KIF11: variants seen among roughly 807,000 people sequenced by gnomAD.
KIF11 encodes kinesin family member 11, also known as kinesin-like protein KIF11.
A neutral mutation model predicts 121.0 loss-of-function variants in KIF11; 9 were observed. The ratio of observed to expected loss-of-function variants is 0.07; its 90% CI spans 0.04 to 0.13. The LOEUF (loss-of-function observed/expected upper bound fraction) is 0.13. KIF11 is among the 10% of genes least tolerant of loss of function. KIF11 has a pLI of 1.00. For synonymous variants in KIF11, 408 were observed against 421.0 expected, an observed-to-expected ratio of 0.97 and a Z score of 0.38; for missense variants, 846 against 1,217.5, an observed-to-expected ratio of 0.69 and a Z score of 4.54.
chr10:92,619,871 G>T (rs56111269), intron 9 of KIF11, among the ~76,000 whole-genome samples: 42,209 of 150,322 alleles, frequency 0.28, 8,224 homozygotes, highest in African/African-American at 0.55. Flanking sequence ...AATTTATTTG[G>T]GGAAATATCT....
chr10:92,620,874 G>A (rs563343186), intron 9 of KIF11, among the ~76,000 whole-genome samples: 2 of 152,328 alleles, frequency 1.3e-5, no homozygotes, highest in Non-Finnish European at 1.5e-5. Flanking sequence ...GGTCCCTCCC[G>A]CAACGCGTGG....
At chr10:92,620,007 T>G (rs1844600090) in intron 9 of KIF11, among the ~76,000 whole-genome samples, 1 of 151,788 alleles carries the variant, frequency 6.6e-6, no homozygotes, top group Non-Finnish European at 1.5e-5. Context: ...TCTTATTTAT[T>G]TTTGGCAAAA....
At chr10:92,607,073 G>A in intron 3 of KIF11, 86 bp from the exon 4 acceptor site, 1 of 797,422 alleles carries the variant, frequency 1.3e-6, no homozygotes, top group Admixed American at 2.2e-5. Context: ...CACTGTGCCT[G>A]GCTTGTTTTT....
intron 1 of KIF11, among the ~76,000 whole-genome samples, chr10:92,596,284 T>G (rs994872389): frequency 1.3e-5 from 2 of 152,268 alleles, no homozygotes; most frequent in African/African-American, 4.8e-5. Context: ...ATTACAGGCG[T>G]GAGCTACGGA....
Position 92,645,368 on chromosome 10 carries a change from C to T in KIF11, c.2273C>T (p.Ser758Phe). The T allele has an allele frequency of 6.2e-7, 1 of 1,601,542 alleles. No individual in the cohort carries two copies. Among genetic ancestry groups the T allele is most frequent in the Non-Finnish European group, 8.5e-7 (1 of 1,172,320 alleles). Residue 758 changes from serine to phenylalanine, a missense_variant, in exon 18 of 22, where the codon TCT becomes TTT. Ser to Phe is a radical substitution (Grantham distance 155). This residue lies in a region of KIF11 where 492 missense variants were observed against 603.4 expected (regional missense o/e 0.82). Coordinates refer to ENST00000260731, the MANE Select transcript of KIF11 (RefSeq NM_004523.4). Reference protein sequence around the residue: ...SSVQENIQQKSKDIVNKMTFH... With the variant: ...SSVQENIQQKFKDIVNKMTFH... Reference sequence around the variant, plus strand: ...GTCATTCTCTTTTCCTATAGGAAATCTAAGGATATAGTCAACAAAATGACT... The same window carrying T: ...GTCATTCTCTTTTCCTATAGGAAATTTAAGGATATAGTCAACAAAATGACT...
chr10:92,651,533 T>C (rs1395663922), intron 21 of KIF11, among the ~76,000 whole-genome samples: 8 of 105,378 alleles, frequency 7.6e-5, no homozygotes, highest in Middle Eastern at 4.5e-3. Flanking sequence ...TTTTTTTTTT[T>C]TTTTTTTTTT....
intron 6 of KIF11, among the ~76,000 whole-genome samples, chr10:92,611,020 A>G (rs1844489811): frequency 6.6e-6 from 1 of 151,888 alleles, no homozygotes. Flanking sequence ...TAAAATTTCT[A>G]TTTTTCCTTT....
At chr10:92,640,836 T>C (rs1327536134) in intron 17 of KIF11, among the ~76,000 whole-genome samples, 1 of 151,908 alleles carries the variant, frequency 6.6e-6, no homozygotes, top group Non-Finnish European at 1.5e-5. Flanking sequence ...AACCTCTGCC[T>C]CCTGAGTTCA....
At chr10:92,643,717 C>T (rs1031441807) in intron 17 of KIF11, among the ~76,000 whole-genome samples, 11 of 151,920 alleles carry the variant, frequency 7.2e-5, no homozygotes, top group African/African-American at 2.7e-4. Context: ...CCACCATGCC[C>T]GGCTAATTTT....
intron 14 of KIF11, among the ~76,000 whole-genome samples, chr10:92,634,886 A>G (rs1018529416): frequency 6.6e-6 from 1 of 152,212 alleles, no homozygotes; most frequent in Non-Finnish European, 1.5e-5. Context: ...ATAATGGTGC[A>G]AGAAAAATAT....
intron 17 of KIF11, among the ~76,000 whole-genome samples, chr10:92,641,939 A>G (rs2135921686): frequency 6.6e-6 from 1 of 152,198 alleles, no homozygotes; most frequent in South Asian, 2.1e-4. Context: ...TGTTAAACCC[A>G]TTCAATGAGG....
chr10:92,603,263 C>CTTTTTTTTT lies in KIF11; in HGVS notation c.78-2991_78-2983dup, dbSNP rs368046931. The stretch of plus-strand genomic sequence containing the variant: ...CCCTTAAACTGCTTTCTTTTCTTTT[C>CTTTTTTTTT]TTTTTTTTTTTTTTTTTTTGAGACA... On this transcript the variant is annotated intron_variant, in intron 1 of 21. Coordinates refer to ENST00000260731, the MANE Select transcript of KIF11 (RefSeq NM_004523.4). Among the ~76,000 whole-genome samples the CTTTTTTTTT allele has an allele frequency of 8.0e-4, 87 of 109,150 alleles. 1 individual carries two copies. Among genetic ancestry groups the CTTTTTTTTT allele is most frequent in the East Asian group, 2.0e-3 (7 of 3,546 alleles). 71.6% of individuals were successfully genotyped at this position (109,150 alleles called of 152,430 possible).
At chr10:92,633,831 CATTTGATAAGT>C in intron 14 of KIF11, 36 bp downstream of exon 14, 4 of 1,313,146 alleles carry the variant, frequency 3.0e-6, no homozygotes, top group Non-Finnish European at 4.3e-6. Flanking sequence ...TGAAGGGTTG[CATTTGATAAGT>C]ATTTGATAAA....
intron 17 of KIF11, among the ~76,000 whole-genome samples, chr10:92,644,641 T>C (rs1425437387): frequency 2.0e-5 from 3 of 152,214 alleles, no homozygotes; most frequent in African/African-American, 7.2e-5. Flanking sequence ...ATTGTGACTT[T>C]CACGTGTAGG....
At chr10:92,641,107 A>G (rs1844862072) in intron 17 of KIF11, among the ~76,000 whole-genome samples, 1 of 152,180 alleles carries the variant, frequency 6.6e-6, no homozygotes, top group African/African-American at 2.4e-5. Flanking sequence ...CATACTTAAC[A>G]TACACTACAG....
At chr10:92,621,751 G>C (rs1429499648) in intron 10 of KIF11, among the ~76,000 whole-genome samples, 1 of 152,120 alleles carries the variant, frequency 6.6e-6, no homozygotes, top group Non-Finnish European at 1.5e-5. Flanking sequence ...ATAGGCATGA[G>C]CCACCACACC....
At chr10:92,605,481 G>GTTTTTT (rs1283755836) in intron 1 of KIF11, among the ~76,000 whole-genome samples, 1 of 118,078 alleles carries the variant, frequency 8.5e-6, no homozygotes, top group African/African-American at 4.1e-5. Flanking sequence ...AATTTGATCG[G>GTTTTTT]ATTTTTTTTT....
chr10:92,609,808 C>G lies in KIF11; in HGVS notation c.698+299C>G, dbSNP rs138225834. On this transcript the variant is annotated intron_variant, in intron 6 of 21. Transcript: ENST00000260731. ...CTGGAGTGCAGTGGCGCGATCTTGA[C>G]TCACTGCAACCTCTGCCCACCGGGT... Among the ~76,000 whole-genome samples, 480 of 152,202 alleles carry G rather than the reference C, an allele frequency of 3.2e-3. 4 individuals are homozygous for G. The highest frequency in any genetic ancestry group is 0.011 in the African/African-American group (463 of 41,516).
chr10:92,606,550 A>G, intron 2 of KIF11, 69 bp from the exon 3 acceptor site: 1 of 1,224,246 alleles, frequency 8.2e-7, no homozygotes, highest in South Asian at 1.4e-5. Context: ...TAGTTAACAT[A>G]CGAAAAACAA....
Sources: allele counts gnomAD v4.1 joint callset (sites outside exome capture counted in the v4.1 genomes callset), GRCh38; gene constraint gnomAD v4.1.1; regional missense constraint gnomAD v4.1.1; transcripts MANE v1.5; gene names NCBI Gene and HGNC (gene_info 2026-07-23, HGNC 2026-07-21).